IL1RAP: variants seen among roughly 807,000 people sequenced by gnomAD.
IL1RAP encodes interleukin-1 receptor accessory protein.
IL1RAP carries 35 observed loss-of-function variants against 60.7 expected under a neutral mutation model. The observed-to-expected ratio is 0.58, with a 90% CI of 0.44 to 0.76. The LOEUF (loss-of-function observed/expected upper bound fraction) is 0.76, where lower values mean the gene tolerates loss of function less well. IL1RAP is among the 30% of genes least tolerant of loss of function. The probability of loss-of-function intolerance (pLI) is 0.00; values close to 1 mark genes in which losing one functional copy is unlikely to be tolerated. For missense variants in IL1RAP, 572 were observed against 693.9 expected, an observed-to-expected ratio of 0.82 and a Z score of 1.97; for synonymous variants, 268 against 250.9, an observed-to-expected ratio of 1.07 and a Z score of -0.64.
At chr3:190,566,135 G>A (rs997913169) in intron 3 of IL1RAP, among the ~76,000 whole-genome samples, 1 of 151,902 alleles carries the variant, frequency 6.6e-6, no homozygotes, top group Non-Finnish European at 1.5e-5. Flanking sequence ...CTGAGGGCAG[G>A]AACTTGTTCA....
chr3:190,616,421 G>T (rs984169130), intron 5 of IL1RAP, among the ~76,000 whole-genome samples: 10 of 146,880 alleles, frequency 6.8e-5, no homozygotes, highest in East Asian at 2.0e-4. Context: ...ACCATTTGTG[G>T]TTTTTTTTTT....
intron 9 of IL1RAP, among the ~76,000 whole-genome samples, chr3:190,638,949 T>G (rs1410047953): frequency 2.6e-5 from 4 of 152,168 alleles, no homozygotes; most frequent in African/African-American, 7.2e-5. Context: ...CTAATATTAT[T>G]TAAAATGCAA....
intron 4 of IL1RAP, among the ~76,000 whole-genome samples, chr3:190,605,414 GTTAA>G (rs2108755082): frequency 6.6e-6 from 1 of 152,062 alleles, no homozygotes. Flanking sequence ...CCTTTTCAGG[GTTAA>G]TTATTTGGTT....
intron 3 of IL1RAP, among the ~76,000 whole-genome samples, chr3:190,590,147 G>A (rs1255300032): frequency 2.0e-5 from 3 of 152,044 alleles, no homozygotes; most frequent in Non-Finnish European, 2.9e-5. Context: ...CTTATTTACC[G>A]CTAACAACAG....
intron 9 of IL1RAP, among the ~76,000 whole-genome samples, chr3:190,641,824 C>T (rs1038956872): frequency 7.2e-5 from 11 of 152,144 alleles, no homozygotes; most frequent in Non-Finnish European, 1.0e-4. Flanking sequence ...GTTAACATAA[C>T]GTACTCAGAA....
intron 1 of IL1RAP, among the ~76,000 whole-genome samples, chr3:190,546,052 G>C (rs909237379): frequency 6.6e-6 from 1 of 152,108 alleles, no homozygotes; most frequent in African/African-American, 2.4e-5. Context: ...AGAATGTAGT[G>C]ACTATGCATC....
chr3:190,632,867 A>C (rs879273650), intron 9 of IL1RAP, among the ~76,000 whole-genome samples: 2 of 152,086 alleles, frequency 1.3e-5, no homozygotes, highest in Non-Finnish European at 2.9e-5. Context: ...TGTTTGTTGA[A>C]TTGTTCAGAA....
intron 9 of IL1RAP, chr3:190,629,968 T>C (rs1732643577): frequency 1.1e-6 from 1 of 877,542 alleles, no homozygotes; most frequent in Non-Finnish European, 1.4e-6. Context: ...AGAAAGGGAA[T>C]TATATACCTT....
intron 1 of IL1RAP, among the ~76,000 whole-genome samples, chr3:190,553,439 A>C (rs1279805039): frequency 6.6e-6 from 1 of 152,166 alleles, no homozygotes; most frequent in African/African-American, 2.4e-5. Context: ...GAAAGAAAAA[A>C]ATTTTTTTTA....
chr3:190,535,299 G>C (rs563775295), intron 1 of IL1RAP, among the ~76,000 whole-genome samples: 3 of 152,138 alleles, frequency 2.0e-5, no homozygotes, highest in African/African-American at 7.2e-5. Context: ...AGTGATGAAC[G>C]CTTACAGAAA....
intron 1 of IL1RAP, among the ~76,000 whole-genome samples, chr3:190,540,317 G>GT (rs899460605): frequency 4.6e-5 from 7 of 151,530 alleles, no homozygotes; most frequent in African/African-American, 1.5e-4. Context: ...TTGTCCTTCT[G>GT]TTTTTTTCTT....
In IL1RAP at chr3:190,648,949, A is replaced by G. The variant is rs947547798; in HGVS notation, c.*244A>G. The stretch of plus-strand genomic sequence containing the variant: ...GCCACTATGTTCTTTGCAGGCAAAG[A>G]CTTGTTCAATGCGAATTTCCCCTTC... On this transcript the variant is annotated 3_prime_UTR_variant, in exon 12 of 12. Transcript: ENST00000447382. 1.2e-5 allele frequency: 15 copies of G among 1,246,068 alleles called. No homozygotes were observed. The highest frequency in any genetic ancestry group is 1.5e-5 in the Non-Finnish European group (15 of 992,910). The allele number at this position is 1,246,068 out of a possible 1,614,324, so 77.2% of individuals were successfully genotyped here.
intron 9 of IL1RAP, among the ~76,000 whole-genome samples, chr3:190,631,869 C>T (rs932122882): frequency 3.3e-5 from 5 of 151,862 alleles, no homozygotes; most frequent in African/African-American, 9.7e-5. Context: ...GGCATGATCT[C>T]GGCTCACTGC....
chr3:190,582,204 A>G (rs949114502), intron 3 of IL1RAP, among the ~76,000 whole-genome samples: 2 of 151,750 alleles, frequency 1.3e-5, no homozygotes, highest in Non-Finnish European at 2.9e-5. Context: ...ATTTCTTTAC[A>G]TTTTTGATCA....
intron 4 of IL1RAP, among the ~76,000 whole-genome samples, chr3:190,606,665 T>C (rs4571225): frequency 0.08 from 12,181 of 152,258 alleles, 958 homozygotes; most frequent in African/African-American, 0.2. Flanking sequence ...TTATCAACTT[T>C]CAGATTGTCA....
At chr3:190,609,275 T>C (rs1425010062) in intron 5 of IL1RAP, 94 bp downstream of exon 5, 3 of 832,308 alleles carry the variant, frequency 3.6e-6, no homozygotes, top group Non-Finnish European at 5.5e-6. Context: ...AAGGTGTTTC[T>C]CTTCAGATTA....
At chr3:190,590,447 G>A (rs1400016084) in intron 3 of IL1RAP, among the ~76,000 whole-genome samples, 1 of 152,024 alleles carries the variant, frequency 6.6e-6, no homozygotes, top group African/African-American at 2.4e-5. Context: ...TAGAGATGGG[G>A]TTTCACCATA....
downstream of IL1RAP, among the ~76,000 whole-genome samples, chr3:190,652,457 GA>G (rs10631058): frequency 2.9e-3 from 391 of 135,446 alleles, 2 homozygotes; most frequent in African/African-American, 7.5e-3. Context: ...CGAGACTTCA[GA>G]AAAAAAAAAA....
intron 3 of IL1RAP, among the ~76,000 whole-genome samples, chr3:190,577,355 T>C (rs996676789): frequency 6.6e-6 from 1 of 152,112 alleles, no homozygotes; most frequent in Non-Finnish European, 1.5e-5. Context: ...AACTATTCAA[T>C]TTTTAGGAAG....
Sources: allele counts gnomAD v4.1 joint callset (sites outside exome capture counted in the v4.1 genomes callset), GRCh38; gene constraint gnomAD v4.1.1; transcripts MANE v1.5; gene names NCBI Gene and HGNC (gene_info 2026-07-23, HGNC 2026-07-21).